Variants in WDR7 observed in about 807,000 individuals in gnomAD.
WDR7 encodes the protein WD repeat domain 7, also known as WD repeat-containing protein 7.
Under a neutral mutation model 169.4 loss-of-function variants are expected in WDR7, and 46 were observed. That is an observed-to-expected ratio of 0.27 (90% CI 0.21 to 0.35). The LOEUF (loss-of-function observed/expected upper bound fraction) is 0.35, where lower values mean the gene tolerates loss of function less well. WDR7 is among the 10% of genes least tolerant of loss of function. WDR7 has a pLI of 1.00. For synonymous variants in WDR7, 612 were observed against 666.8 expected, an observed-to-expected ratio of 0.92 and a Z score of 1.27; for missense variants, 1,534 against 1,859.3, an observed-to-expected ratio of 0.83 and a Z score of 3.22.
At chr18:56,761,459 G>A (rs775394488) in intron 16 of WDR7, among the ~76,000 whole-genome samples, 1 of 151,968 alleles carries the variant, frequency 6.6e-6, no homozygotes, top group African/African-American at 2.4e-5. Context: ...TTTTTAAAGT[G>A]TGTCTTGGCT....
intron 19 of WDR7, among the ~76,000 whole-genome samples, chr18:56,790,651 G>A (rs1030268578): frequency 2.0e-5 from 3 of 151,378 alleles, no homozygotes; most frequent in African/African-American, 4.9e-5. Context: ...GCTTTTTTTT[G>A]TGGGGGAAGT....
At chr18:56,731,147 C>T (rs554994703) in intron 13 of WDR7, among the ~76,000 whole-genome samples, 1 of 152,176 alleles carries the variant, frequency 6.6e-6, no homozygotes, top group Admixed American at 6.5e-5. Context: ...GGAATCTTAG[C>T]TCTGAACTTG....
At chr18:56,768,949 A>G (rs1414219687) in intron 16 of WDR7, among the ~76,000 whole-genome samples, 5 of 152,216 alleles carry the variant, frequency 3.3e-5, no homozygotes, top group African/African-American at 1.2e-4. Context: ...AATTTTCCAT[A>G]ACCAATATTA....
At chr18:56,871,269 A>G (rs2045949317) in intron 20 of WDR7, among the ~76,000 whole-genome samples, 1 of 152,194 alleles carries the variant, frequency 6.6e-6, no homozygotes, top group African/African-American at 2.4e-5. Context: ...TAATTAATCA[A>G]AATCTAATAT....
At chr18:56,654,214 C>T (rs549625534) in intron 1 of WDR7, among the ~76,000 whole-genome samples, 1 of 152,254 alleles carries the variant, frequency 6.6e-6, no homozygotes, top group East Asian at 1.9e-4. Context: ...TCACTGCCAT[C>T]TCTGTCTCCC....
chr18:56,786,908 A>G (rs2044409485), intron 19 of WDR7, among the ~76,000 whole-genome samples: 1 of 151,732 alleles, frequency 6.6e-6, no homozygotes, highest in East Asian at 2.0e-4. Flanking sequence ...GCAAAAGTAA[A>G]TAGTTTTTGC....
At chr18:56,833,581 TACAA>T (rs1245887781) in intron 20 of WDR7, among the ~76,000 whole-genome samples, 3 of 152,232 alleles carry the variant, frequency 2.0e-5, no homozygotes, top group Non-Finnish European at 4.4e-5. Context: ...ATGTCTGCGT[TACAA>T]ACGTCAGTTA....
intron 26 of WDR7, among the ~76,000 whole-genome samples, chr18:57,005,424 T>C (rs2048041741): frequency 1.3e-5 from 2 of 152,118 alleles, no homozygotes; most frequent in African/African-American, 4.8e-5. Context: ...GCAAGTAAAA[T>C]ATTTTTATGG....
intron 26 of WDR7, among the ~76,000 whole-genome samples, chr18:56,968,692 G>A (rs1308241722): frequency 2.0e-5 from 3 of 152,042 alleles, no homozygotes; most frequent in Non-Finnish European, 4.4e-5. Flanking sequence ...GCCTTGTCAC[G>A]CAGCCTACAG....
chr18:56,750,009 G>A (rs1272491167), intron 14 of WDR7, among the ~76,000 whole-genome samples: 1 of 147,298 alleles, frequency 6.8e-6, no homozygotes, highest in African/African-American at 2.4e-5. Flanking sequence ...GTGTATGGGT[G>A]TGTGTGTGTG....
chr18:56,932,858 G>C (rs1400298392), intron 22 of WDR7, among the ~76,000 whole-genome samples: 1 of 147,926 alleles, frequency 6.8e-6, no homozygotes. Context: ...ACACATGATT[G>C]TATCTCTTCA....
intron 20 of WDR7, among the ~76,000 whole-genome samples, chr18:56,869,002 AG>A (rs1411311654): frequency 6.6e-6 from 1 of 152,186 alleles, no homozygotes; most frequent in Non-Finnish European, 1.5e-5. Flanking sequence ...TAGAGAATAA[AG>A]GGAAATATAA....
chr18:56,960,120 C>T (rs1011773382), intron 25 of WDR7, among the ~76,000 whole-genome samples: 31 of 152,140 alleles, frequency 2.0e-4, no homozygotes, highest in African/African-American at 7.5e-4. Flanking sequence ...AGTATTAGTC[C>T]AGTAGTAAAT....
chr18:56,670,756 C>T (rs1366412852), intron 1 of WDR7, among the ~76,000 whole-genome samples: 2 of 152,078 alleles, frequency 1.3e-5, no homozygotes, highest in African/African-American at 4.8e-5. Context: ...AGTGATCTGC[C>T]GACCTTGGCC....
At chr18:56,849,565 C>A (rs138768619) in intron 20 of WDR7, among the ~76,000 whole-genome samples, 1 of 152,146 alleles carries the variant, frequency 6.6e-6, no homozygotes, top group Admixed American at 6.5e-5. Context: ...TCTACATTTT[C>A]CACTTTTCTT....
chr18:56,656,053 G>T (rs1269124730), intron 1 of WDR7, among the ~76,000 whole-genome samples: 1 of 152,204 alleles, frequency 6.6e-6, no homozygotes, highest in South Asian at 2.1e-4. Context: ...GAACATTCTT[G>T]TACAGTTTTG....
intron 20 of WDR7, among the ~76,000 whole-genome samples, chr18:56,841,059 G>A (rs1176098672): frequency 1.3e-5 from 2 of 151,618 alleles, no homozygotes; most frequent in Non-Finnish European, 2.9e-5. Flanking sequence ...TAGGCTTGGT[G>A]GTGGGCACCT....
intron 22 of WDR7, among the ~76,000 whole-genome samples, chr18:56,927,369 G>A (rs999750824): frequency 2.6e-5 from 4 of 152,148 alleles, no homozygotes; most frequent in African/African-American, 9.7e-5. Flanking sequence ...CACTTTGGGA[G>A]GTTGAGGTGA....
intron 21 of WDR7, among the ~76,000 whole-genome samples, chr18:56,906,525 T>G (rs915793429): frequency 6.8e-6 from 1 of 146,270 alleles, no homozygotes; most frequent in African/African-American, 2.5e-5. Context: ...CTTTTTTCTT[T>G]TTCTTTCTTT....
Sources: allele counts gnomAD v4.1 joint callset (sites outside exome capture counted in the v4.1 genomes callset), GRCh38; gene constraint gnomAD v4.1.1; transcripts MANE v1.5; gene names NCBI Gene and HGNC (gene_info 2026-07-23, HGNC 2026-07-21).